ANKFY1: variants seen among roughly 807,000 people sequenced by gnomAD.
ANKFY1 encodes the protein ankyrin repeat and FYVE domain containing 1.
In ANKFY1, 47 loss-of-function variants were observed where a neutral mutation model predicts 128.3. That is an observed-to-expected ratio of 0.37 (90% confidence interval 0.29 to 0.47). ANKFY1 has a LOEUF of 0.47. Among genes scored for constraint, ANKFY1 ranks in the 20% least tolerant of loss-of-function variants. The pLI is 1.00. For synonymous variants in ANKFY1, 553 were observed against 601.6 expected, an observed-to-expected ratio of 0.92 and a Z score of 1.18; for missense variants, 1,222 against 1,510.6, an observed-to-expected ratio of 0.81 and a Z score of 3.17.
chr17:4,239,292 TA>T (rs2143337232), intron 2 of ANKFY1, among the ~76,000 whole-genome samples: 1 of 152,284 alleles, frequency 6.6e-6, no homozygotes, highest in African/African-American at 2.4e-5. Context: ...GATGTGTCTG[TA>T]ACAGAAAAAC....
chr17:4,182,320 A>G lies in ANKFY1; in HGVS notation c.1982T>C (p.Leu661Pro). ...GAGTGGAAGCTGGTTTCTGATGGCC[A>G]GCTGGAGGGCTGTCTCCCCGTCCTG... ...RTQDGETALQ[L>P]AIRNQLPLVV... The change falls in exon 15 of 25, where the codon CTG (leucine) becomes CCG (proline). Residue 661 changes from leucine to proline, a missense_variant. Transcript: ENST00000341657. 6.3e-7 allele frequency: 1 copy of G among 1,589,834 alleles called. No individual in the cohort carries two copies. Among genetic ancestry groups the G allele is most frequent in the South Asian group, 1.2e-5 (1 of 85,040 alleles).
chr17:4,261,649 T>C (rs999090985), intron 1 of ANKFY1, among the ~76,000 whole-genome samples: 1 of 152,232 alleles, frequency 6.6e-6, no homozygotes, highest in Admixed American at 6.5e-5. Context: ...ATGATGAGTA[T>C]GCTGACTCAG....
chr17:4,187,170 G>A (rs1299722185), intron 11 of ANKFY1: 1 of 488,078 alleles, frequency 2.0e-6, no homozygotes. Context: ...TCCCCTCCAA[G>A]TTCCCAAATT....
At chr17:4,194,150 C>A (rs1416874863) in intron 10 of ANKFY1, among the ~76,000 whole-genome samples, 2 of 140,858 alleles carry the variant, frequency 1.4e-5, no homozygotes, top group East Asian at 4.2e-4. Flanking sequence ...GTCTCCTCAC[C>A]CAGGCTGGAG....
At chr17:4,223,233 G>C in intron 3 of ANKFY1, 1 of 800,542 alleles carries the variant, frequency 1.2e-6, no homozygotes, top group South Asian at 1.4e-5. Context: ...GGGTGTATAC[G>C]AGAAAAGCCC....
chr17:4,183,776 T>C (rs772756796), intron 13 of ANKFY1, 36 bp downstream of exon 13: 3 of 1,569,376 alleles, frequency 1.9e-6, no homozygotes, highest in Non-Finnish European at 2.6e-6. Flanking sequence ...GACAGCTGTC[T>C]GTCTGCAGAC....
At chr17:4,242,180 G>A (rs1967271691) in intron 2 of ANKFY1, 76 bp downstream of exon 2, 3 of 1,356,616 alleles carry the variant, frequency 2.2e-6, no homozygotes, top group East Asian at 5.5e-5. Context: ...AATTTTGGAA[G>A]AAAGTGAATG....
intron 18 of ANKFY1, 84 bp from the exon 19 acceptor site, chr17:4,177,386 G>C: frequency 3.2e-6 from 4 of 1,269,422 alleles, no homozygotes; most frequent in Non-Finnish European, 4.3e-6. Flanking sequence ...ACTGACCACT[G>C]GAGAGGTCAC....
Position 4,178,394 on chromosome 17 carries a change from C to T in ANKFY1, c.2598+463G>A, listed in dbSNP as rs112322663. ...TCATTTCCCAGCCAACTGCTTGTTGCAGATCAACAGTTCACCATCCCGATG... is the reference window on the plus strand; with the variant it reads ...TCATTTCCCAGCCAACTGCTTGTTGTAGATCAACAGTTCACCATCCCGATG... On this transcript the variant is annotated intron_variant, in intron 18 of 24. Transcript: ENST00000341657. The surrounding 1 kb of genome is among the most constrained non-coding windows in gnomAD (Gnocchi z 4.1). 4,692 of 194,648 alleles carry T rather than the reference C, an allele frequency of 0.024. 227 individuals are homozygous for T. Among genetic ancestry groups the T allele is most frequent in the African/African-American group, 0.1 (4,440 of 43,864 alleles). The allele number at this position is 194,648 out of a possible 1,614,324, so 12.1% of individuals were successfully genotyped here.
rs572663585 is a variant in ANKFY1 at position 4,180,086 on chromosome 17, G to A, written c.2241-209C>T. On this transcript the variant is annotated intron_variant, in intron 16 of 24. Coordinates refer to ENST00000341657, the MANE Select transcript of ANKFY1 (RefSeq NM_001330063.2). ...GACTGGTCTTGGGGGTGGGCAACCC[G>A]GGCATCAGAATTGTTAGAAACTTCC... The A allele has an allele frequency of 3.4e-4, 206 of 607,898 alleles. No homozygotes were observed. The African/African-American group carries it at 3.4e-3, about 10-fold the overall frequency. The allele number at this position is 607,898 out of a possible 1,614,324, so 37.7% of individuals were successfully genotyped here.
chr17:4,260,556 T>G (rs922175030), intron 1 of ANKFY1, among the ~76,000 whole-genome samples: 1 of 145,866 alleles, frequency 6.9e-6, no homozygotes, highest in African/African-American at 2.6e-5. Context: ...AGGTGGAGAT[T>G]GCAATGAGCT....
intron 7 of ANKFY1, among the ~76,000 whole-genome samples, chr17:4,202,397 T>C (rs1222892563): frequency 1.7e-5 from 2 of 116,658 alleles, no homozygotes; most frequent in Non-Finnish European, 3.4e-5. Context: ...CAAGACTGTG[T>C]CTTAAAAAAA....
chr17:4,234,949 C>T (rs1319416073), intron 3 of ANKFY1, among the ~76,000 whole-genome samples: 2 of 152,138 alleles, frequency 1.3e-5, no homozygotes, highest in African/African-American at 4.8e-5. Context: ...TAACCCAAAC[C>T]TATTAAAATT....
chr17:4,196,144 TACACACACACACACACACACACACAC>T (rs35005172), intron 8 of ANKFY1, among the ~76,000 whole-genome samples: 14 of 83,952 alleles, frequency 1.7e-4, no homozygotes, highest in African/African-American at 5.6e-4. Context: ...CTGCATCTAC[TACACACACACACACACACACACACAC>T]ACACACACAC....
At chr17:4,218,838 C>T (rs1314610395) in intron 3 of ANKFY1, among the ~76,000 whole-genome samples, 1 of 152,148 alleles carries the variant, frequency 6.6e-6, no homozygotes, top group Admixed American at 6.6e-5. Flanking sequence ...GACTGCACCA[C>T]TGCACTCCAG....
intron 16 of ANKFY1, 90 bp from the exon 17 acceptor site, chr17:4,179,967 C>T (rs1185599178): frequency 2.6e-6 from 4 of 1,517,452 alleles, no homozygotes; most frequent in Admixed American, 3.6e-5. Flanking sequence ...GAGCCTCATC[C>T]AATCCAACAG....
rs1455211363 is a variant in ANKFY1, at chr17:4,222,884, A to G, written c.323-5766T>C. On this transcript the variant is annotated intron_variant, in intron 3 of 24. Transcript: ENST00000341657. The stretch of plus-strand genomic sequence containing the variant: ...CGACTCAGTATCCGAGAGCTGACAC[A>G]CCCAACAATCCAACTCCTATCACCA... 3.0e-6 allele frequency: 3 copies of G among 1,002,090 alleles called. No homozygotes were observed. In the South Asian group the frequency reaches 3.8e-5, roughly 13 times the overall value. The allele number at this position is 1,002,090 out of a possible 1,614,324, so 62.1% of individuals were successfully genotyped here. A position where few individuals can be genotyped will look rare whatever the true frequency, so the allele number is the denominator to read the frequency against.
intron 1 of ANKFY1, among the ~76,000 whole-genome samples, chr17:4,247,375 T>C (rs984197953): frequency 1.3e-5 from 2 of 152,076 alleles, no homozygotes; most frequent in East Asian, 3.9e-4. Flanking sequence ...TGACACAAGA[T>C]ATAAACTACC....
At chr17:4,233,568 G>A (rs2060550694) in intron 3 of ANKFY1, among the ~76,000 whole-genome samples, 1 of 152,196 alleles carries the variant, frequency 6.6e-6, no homozygotes, top group African/African-American at 2.4e-5. Context: ...AAGAGACAGA[G>A]TTCGCTCACA....
Sources: allele counts gnomAD v4.1 joint callset (sites outside exome capture counted in the v4.1 genomes callset), GRCh38; gene constraint gnomAD v4.1.1; non-coding constraint Gnocchi (gnomAD v3.1); transcripts MANE v1.5; gene names NCBI Gene and HGNC (gene_info 2026-07-23, HGNC 2026-07-21).